Variants in MAP6 observed in about 807,000 individuals in gnomAD.
MAP6 encodes microtubule-associated protein 6.
MAP6 carries 26 observed loss-of-function variants against 42.4 expected under a neutral mutation model. The observed-to-expected ratio is 0.61, with a 90% CI of 0.45 to 0.85. The LOEUF is 0.85. Ranked by LOEUF, MAP6 falls within the 40% of genes least tolerant of loss-of-function variation. The probability of loss-of-function intolerance (pLI) is 0.00; values close to 1 mark genes in which losing one functional copy is unlikely to be tolerated. For synonymous variants in MAP6, 418 were observed against 443.8 expected (o/e 0.94, Z 0.73); for missense variants, 966 against 1,099.0 (o/e 0.88, Z 1.71).
chr11:75,654,278 T>G (rs1415494902), intron 1 of MAP6, among the ~76,000 whole-genome samples: 1 of 152,190 alleles, frequency 6.6e-6, no homozygotes, highest in African/African-American at 2.4e-5. Flanking sequence ...AAGAATGTAT[T>G]GTACTTTTAA....
rs567391297 is a variant in MAP6, at chr11:75,618,245, C to A, written c.906-9923G>T. ...ATATTTTATAAGGGAATACTGGGAACAACTCGATGTCAATAAATTTGACAA... is the reference window on the plus strand; with the variant it reads ...ATATTTTATAAGGGAATACTGGGAAAAACTCGATGTCAATAAATTTGACAA... On this transcript the variant is annotated intron_variant, in intron 1 of 3. Transcript: ENST00000304771. Among the ~76,000 whole-genome samples the A allele has an allele frequency of 3.3e-5, 5 of 151,568 alleles. No homozygotes were observed. In the South Asian group the frequency reaches 6.2e-4, roughly 19 times the overall value.
chr11:75,633,749 C>T (rs780429304), intron 1 of MAP6, among the ~76,000 whole-genome samples: 5 of 152,126 alleles, frequency 3.3e-5, no homozygotes, highest in East Asian at 1.9e-4. Context: ...ACCCTAAGGC[C>T]GGAGGATGTG....
intron 3 of MAP6, chr11:75,603,295 G>C (rs1373086769): frequency 6.1e-6 from 6 of 985,760 alleles, no homozygotes; most frequent in Non-Finnish European, 7.2e-6. Flanking sequence ...GACGAGCTTT[G>C]GAAGCTTGGT....
At chr11:75,632,847 G>A (rs1037596177) in intron 1 of MAP6, among the ~76,000 whole-genome samples, 2 of 152,108 alleles carry the variant, frequency 1.3e-5, no homozygotes, top group African/African-American at 2.4e-5. Context: ...AATTCAATAT[G>A]TTAATTTTTA....
chr11:75,659,279 C>T (rs1304693483), intron 1 of MAP6, among the ~76,000 whole-genome samples: 2 of 152,130 alleles, frequency 1.3e-5, no homozygotes, highest in Non-Finnish European at 2.9e-5. Flanking sequence ...GTCAGGAGTT[C>T]GAGACCAGCC....
rs747254809 is a variant in MAP6 at position 75,587,461 on chromosome 11, G to T, written c.2040C>A (p.Val680=). 1.9e-6 allele frequency: 3 copies of T among 1,614,154 alleles called. No individual in the cohort carries two copies. Among genetic ancestry groups the T allele is most frequent in the Admixed American group, 1.7e-5 (1 of 60,022 alleles). Residue 680 remains valine, a synonymous_variant, in exon 4 of 4, where the codon GTC becomes GTA. Coordinates refer to ENST00000304771, the MANE Select transcript of MAP6 (RefSeq NM_033063.2). ...KNQGLVVSGP[V]KDQDVVVPEH... is the part of the protein sequence containing the mutation. ...CTGGGACTACAACATCTTGATCCTT[G>T]ACTGGCCCTGAGACCACTAAACCTT...
intron 1 of MAP6, among the ~76,000 whole-genome samples, chr11:75,643,658 C>T (rs1943511196): frequency 6.6e-6 from 1 of 152,194 alleles, no homozygotes; most frequent in Non-Finnish European, 1.5e-5. Context: ...GTATATTGAA[C>T]ACAGTGATAA....
At chr11:75,643,871 C>A (rs1943515064) in intron 1 of MAP6, among the ~76,000 whole-genome samples, 1 of 152,114 alleles carries the variant, frequency 6.6e-6, no homozygotes, top group Non-Finnish European at 1.5e-5. Context: ...GGATTAGAAC[C>A]CAGGTAGTCC....
chr11:75,612,381 C>T (rs1299858720), intron 1 of MAP6, among the ~76,000 whole-genome samples: 1 of 152,054 alleles, frequency 6.6e-6, no homozygotes, highest in East Asian at 1.9e-4. Context: ...CATGTCTGAT[C>T]CTAAGAAAAG....
At chr11:75,622,197 A>G (rs1401056874) in intron 1 of MAP6, among the ~76,000 whole-genome samples, 1 of 152,188 alleles carries the variant, frequency 6.6e-6, no homozygotes, top group Non-Finnish European at 1.5e-5. Context: ...TTCATTCACA[A>G]TAATATCAAG....
At chr11:75,635,449 C>T (rs1399925127) in intron 1 of MAP6, among the ~76,000 whole-genome samples, 3 of 152,318 alleles carry the variant, frequency 2.0e-5, no homozygotes, top group Non-Finnish European at 4.4e-5. Context: ...GGCGGCGTCT[C>T]GCTGCCAAAA....
In MAP6 at chr11:75,588,060, G is replaced by T. The variant is rs1404034006; in HGVS notation, c.1441C>A (p.Pro481Thr). 1 of 1,614,028 alleles carries T rather than the reference G, an allele frequency of 6.2e-7. No homozygotes were observed. Reference protein sequence around the residue: ...LKGQGPMVQEPLKKQGSVVPG... With the variant: ...LKGQGPMVQETLKKQGSVVPG... The stretch of plus-strand genomic sequence containing the variant: ...ACCACAGAACCTTGCTTCTTCAGAG[G>T]CTCTTGCACCATAGGACCTTGACCT... The change falls in exon 4 of 4, where the codon CCT (proline) becomes ACT (threonine). Residue 481 changes from proline (P) to threonine (T), a missense_variant. Physicochemically the swap from Pro to Thr is conservative, Grantham distance 38. Around this residue, in one of 2 missense-constraint regions of MAP6, gnomAD observed 943 missense variants for 1,049.9 expected, o/e 0.90. Coordinates refer to ENST00000304771, the MANE Select transcript of MAP6 (RefSeq NM_033063.2).
rs1355311898 is a variant in MAP6, at chr11:75,588,160, A to G, written c.1341T>C (p.Asp447=). ...CTACAGGACCTTGAGTCTTACTTGA[A>G]TCACTGACGGGTTGAGCCAGGCTCC... ...AKESLAQPVS[D]SSKTQGPVAT... The change falls in exon 4 of 4, where the codon GAT becomes GAC. Residue 447 remains aspartate, a synonymous_variant. Transcript: ENST00000304771. 6.2e-6 allele frequency: 10 copies of G among 1,613,000 alleles called. No individual in the cohort carries two copies. The highest frequency in any genetic ancestry group is 8.5e-6 in the Non-Finnish European group (10 of 1,179,714).
At chr11:75,589,194 T>C (rs527313816) in intron 3 of MAP6, among the ~76,000 whole-genome samples, 1 of 151,872 alleles carries the variant, frequency 6.6e-6, no homozygotes, top group South Asian at 2.1e-4. Flanking sequence ...TAGCCAAGAG[T>C]CCCAGTCTTT....
At chr11:75,642,880 G>C (rs1330591876) in intron 1 of MAP6, 1 of 494,246 alleles carries the variant, frequency 2.0e-6, no homozygotes, top group African/African-American at 1.9e-5. Flanking sequence ...AGCTGTTGCA[G>C]CATCCAGTTC....
chr11:75,601,484 G>A (rs769559766), intron 3 of MAP6, among the ~76,000 whole-genome samples: 9 of 151,992 alleles, frequency 5.9e-5, no homozygotes, highest in African/African-American at 1.9e-4. Flanking sequence ...AAATACATAC[G>A]GCTTTTCATT....
chr11:75,667,415 G>T lies in MAP6; in HGVS notation c.905+50C>A. The T allele has an allele frequency of 7.2e-7, 1 of 1,386,698 alleles. No homozygotes were observed. Among genetic ancestry groups the T allele is most frequent in the Non-Finnish European group, 9.3e-7 (1 of 1,071,004 alleles). 85.9% of individuals were successfully genotyped at this position (1,386,698 alleles called of 1,614,324 possible). On this transcript the variant is annotated intron_variant, in intron 1 of 3. Coordinates refer to ENST00000304771, the MANE Select transcript of MAP6 (RefSeq NM_033063.2). This position sits in a 1 kb window ranked among gnomAD's most constrained non-coding sequence, Gnocchi z 5.6. ...GATCCTGGGCCCCGGGCAGCCCGCG[G>T]GGAGGGTCTGCGTGGTGACTCCCCC...
intron 3 of MAP6, chr11:75,603,271 A>G: frequency 1.0e-5 from 10 of 985,732 alleles, no homozygotes; most frequent in Non-Finnish European, 1.2e-5. Flanking sequence ...AGGGAAATGT[A>G]CAGAGGCCAG....
intron 3 of MAP6, among the ~76,000 whole-genome samples, chr11:75,588,508 C>T (rs2135568068): frequency 6.6e-6 from 1 of 152,228 alleles, no homozygotes; most frequent in East Asian, 1.9e-4. Flanking sequence ...TCCCAGCAGC[C>T]CGTCCACCCC....
Sources: gnomAD v4.1 joint callset for allele counts (sites outside exome capture counted in the v4.1 genomes callset) on GRCh38, gnomAD v4.1.1 for gene constraint, gnomAD v4.1.1 regional missense constraint, Gnocchi (gnomAD v3.1) non-coding constraint, MANE v1.5 for transcripts, NCBI Gene and HGNC (gene_info 2026-07-23, HGNC 2026-07-21) for gene names.